Variants in SMARCD3 observed in about 807,000 individuals in gnomAD.
SMARCD3 encodes the protein SWI/SNF related BAF chromatin remodeling complex subunit D3.
A neutral mutation model predicts 58.0 loss-of-function variants in SMARCD3; 14 were observed. The ratio of observed to expected loss-of-function variants is 0.24; its 90% CI spans 0.16 to 0.38. The LOEUF (loss-of-function observed/expected upper bound fraction) is 0.38, where lower values mean the gene tolerates loss of function less well. SMARCD3 is among the 10% of genes least tolerant of loss of function. SMARCD3 has a pLI of 1.00. For missense variants in SMARCD3, 408 were observed against 636.9 expected, an observed-to-expected ratio of 0.64 and a Z score of 3.87; for synonymous variants, 253 against 253.8, an observed-to-expected ratio of 1.00 and a Z score of 0.03.
chr7:151,257,984 C>T (rs763907213), intron 2 of SMARCD3, among the ~76,000 whole-genome samples: 3 of 152,150 alleles, frequency 2.0e-5, no homozygotes, highest in East Asian at 1.9e-4. Context: ...CAAACATGGT[C>T]GGTCCAAAAT....
rs1490784060 is a variant in SMARCD3, at chr7:151,245,488, C to T, written c.262G>A (p.Val88Met). The T allele has an allele frequency of 2.4e-6, 3 of 1,224,694 alleles. No homozygotes were observed. The highest frequency in any genetic ancestry group is 3.1e-5 in the African/African-American group (2 of 64,044). 75.9% of individuals were successfully genotyped at this position (1,224,694 alleles called of 1,614,324 possible). ...QSQAQSQGQPVPTAPARSRSA... is the reference protein window; with the variant it reads ...QSQAQSQGQPMPTAPARSRSA... ...CGGCTCCGCGCGGGGGCGGTGGGCA[C>T]CGGCTGGCCCTGGCTCTGTGCCTGG... Residue 88 changes from valine to methionine, a missense_variant, in exon 2 of 13, where the codon GTG becomes ATG. This residue lies in a region of SMARCD3 where 128 missense variants were observed against 188.8 expected (regional missense o/e 0.68). Transcript: ENST00000262188. This position sits in a 1 kb window ranked among gnomAD's most constrained non-coding sequence, Gnocchi z 6.2.
Position 151,242,733 on chromosome 7 carries a change from C to T in SMARCD3, c.444G>A (p.Lys148=). The T allele has an allele frequency of 2.5e-6, 4 of 1,614,120 alleles. No individual in the cohort carries two copies. The highest frequency in any genetic ancestry group is 3.4e-6 in the Non-Finnish European group (4 of 1,179,998). ...CGAACTAAGGCACCTTCATGGGCCT[C>T]TTCAGAGCCTCCTGGATGTCCACCC... ...RKRVDIQEAL[K]RPMKQKRKLR... The change falls in exon 4 of 13, where the codon AAG becomes AAA. Residue 148 remains lysine, a synonymous_variant. Transcript: ENST00000262188. The surrounding 1 kb of genome is among the most constrained non-coding windows in gnomAD (Gnocchi z 4.7).
At chr7:151,274,795 C>T (rs946502293) in intron 2 of SMARCD3, among the ~76,000 whole-genome samples, 1 of 152,226 alleles carries the variant, frequency 6.6e-6, no homozygotes, top group African/African-American at 2.4e-5. Context: ...CCAGACCATG[C>T]TCACATGAAC....
intron 2 of SMARCD3, among the ~76,000 whole-genome samples, chr7:151,256,522 C>A (rs1391987823): frequency 2.0e-5 from 3 of 152,212 alleles, no homozygotes; most frequent in Admixed American, 6.5e-5. Flanking sequence ...TTCACCAGCT[C>A]CTCCCCTGCA....
intron 2 of SMARCD3, among the ~76,000 whole-genome samples, chr7:151,273,815 G>A (rs1208150630): frequency 6.6e-6 from 1 of 152,064 alleles, no homozygotes. Flanking sequence ...TCTGGGCCAG[G>A]CCAGCTTCCC....
Position 151,239,082 on chromosome 7 carries a change from G to A in SMARCD3, c.*21C>T, listed in dbSNP as rs1246810842. 2.5e-6 allele frequency: 4 copies of A among 1,613,294 alleles called. No homozygotes were observed. The highest frequency in any genetic ancestry group is 1.1e-5 in the South Asian group (1 of 91,070). ...CCGGGACACGGCTGAAAGTTCCGTC[G>A]TGCTGCTTATTTTTGGGCTCCTAGG... On this transcript the variant is annotated 3_prime_UTR_variant, in exon 13 of 13. Coordinates refer to ENST00000262188, the MANE Select transcript of SMARCD3 (RefSeq NM_001003801.2). This position sits in a 1 kb window ranked among gnomAD's most constrained non-coding sequence, Gnocchi z 7.0.
At chr7:151,247,470 C>T (rs1350293424) in intron 1 of SMARCD3, among the ~76,000 whole-genome samples, 1 of 152,112 alleles carries the variant, frequency 6.6e-6, no homozygotes, top group Non-Finnish European at 1.5e-5. Flanking sequence ...GCTGAAGAGG[C>T]CCTGAGAGGG....
upstream of SMARCD3, among the ~76,000 whole-genome samples, chr7:151,276,918 G>C (rs1795364185): frequency 7.8e-6 from 1 of 127,536 alleles, no homozygotes; most frequent in Admixed American, 7.5e-5. Flanking sequence ...GCCAGGCAGG[G>C]GGAGGAGGGG....
At chr7:151,252,374 C>G (rs1245449521), upstream of SMARCD3, among the ~76,000 whole-genome samples, 2 of 152,076 alleles carry the variant, frequency 1.3e-5, no homozygotes, top group African/African-American at 4.8e-5. Context: ...AGCAATAAAG[C>G]TCTCCTTAGG....
intron 2 of SMARCD3, among the ~76,000 whole-genome samples, chr7:151,257,037 G>A (rs1803722770): frequency 2.0e-5 from 3 of 152,182 alleles, no homozygotes; most frequent in Admixed American, 1.3e-4. Context: ...ATTGGAATAA[G>A]CGCTCTTCTT....
In SMARCD3 at chr7:151,242,957, CT is replaced by C; in HGVS notation, c.334-115del. 1.6e-5 allele frequency: 21 copies of C among 1,319,836 alleles called. No individual in the cohort carries two copies. Among genetic ancestry groups the C allele is most frequent in the Non-Finnish European group, 2.1e-5 (20 of 962,752 alleles). 81.8% of individuals were successfully genotyped at this position (1,319,836 alleles called of 1,614,324 possible). A position where few individuals can be genotyped will look rare whatever the true frequency, so the allele number is the denominator to read the frequency against. ...AAAAGATGTCAGGGGAGCCATCCTA[CT>C]TTTGGGCATGTAGCTTTGACAGTGG... On this transcript the variant is annotated intron_variant, in intron 3 of 12. Transcript: ENST00000262188. The surrounding 1 kb of genome is among the most constrained non-coding windows in gnomAD (Gnocchi z 4.7).
At position 151,239,473 on chromosome 7, in the gene SMARCD3, G is replaced by T. The variant is rs758478352; in HGVS notation, c.1321C>A (p.Pro441Thr). 6.2e-7 allele frequency: 1 copy of T among 1,613,804 alleles called. No individual in the cohort carries two copies. The stretch of plus-strand genomic sequence containing the variant: ...AACTCAGCCCGGCGCTCCTCTTCAG[G>T]GTTGCCGGCTACATCTGTCATCACC... ...LKVMTDVAGN[P>T]EEERRAEFYH... The change falls in exon 12 of 13, where the codon CCT becomes ACT. Residue 441 changes from proline (P) to threonine (T), a missense_variant. Pro to Thr is a conservative substitution (Grantham distance 38, BLOSUM62 -1). Around this residue, in one of 4 missense-constraint regions of SMARCD3, gnomAD observed 81 missense variants for 109.7 expected, o/e 0.74. Coordinates refer to ENST00000262188, the MANE Select transcript of SMARCD3 (RefSeq NM_001003801.2). This position sits in a 1 kb window ranked among gnomAD's most constrained non-coding sequence, Gnocchi z 7.0.
At chr7:151,267,291 G>A (rs7799570) in intron 2 of SMARCD3, among the ~76,000 whole-genome samples, 96,710 of 152,128 alleles carry the variant, frequency 0.64, 32,750 homozygotes, top group African/African-American at 0.86. Context: ...GACTATTACT[G>A]TATCCATTTT....
At chr7:151,253,054 G>A (rs78227127), upstream of SMARCD3, among the ~76,000 whole-genome samples, 1,223 of 152,342 alleles carry the variant, frequency 8.0e-3, 12 homozygotes, top group African/African-American at 0.022. Flanking sequence ...TGAAAGGAGA[G>A]GCTTAAGTCA....
intron 2 of SMARCD3, among the ~76,000 whole-genome samples, chr7:151,265,766 G>A (rs1172771549): frequency 1.3e-5 from 2 of 152,220 alleles, no homozygotes; most frequent in Non-Finnish European, 2.9e-5. Flanking sequence ...CTCCTCATCA[G>A]TGGGTATTTA....
intron 2 of SMARCD3, among the ~76,000 whole-genome samples, chr7:151,269,530 G>A (rs149085023): frequency 1.9e-3 from 285 of 152,334 alleles, no homozygotes; most frequent in African/African-American, 6.6e-3. Context: ...GGGAGCTGTG[G>A]GCTGGAAAGA....
At position 151,241,150 on chromosome 7, in the gene SMARCD3, G is replaced by A. The variant is rs1802967547; in HGVS notation, c.939+342C>T. On this transcript the variant is annotated intron_variant, in intron 8 of 12. Coordinates refer to ENST00000262188, the MANE Select transcript of SMARCD3 (RefSeq NM_001003801.2). This position sits in a 1 kb window ranked among gnomAD's most constrained non-coding sequence, Gnocchi z 5.3. ...AGATAAGGAAACAAGGTTCAGAATC[G>A]CTGAGTCACTTACCCAGAGTCCAGA... is the stretch of plus-strand genomic sequence containing the variant. 8.2e-6 allele frequency: 3 copies of A among 365,428 alleles called. No homozygotes were observed. Among genetic ancestry groups the A allele is most frequent in the African/African-American group, 2.1e-5 (1 of 47,932 alleles). The allele number at this position is 365,428 out of a possible 1,614,324, so 22.6% of individuals were successfully genotyped here.
chr7:151,247,803 T>C (rs1025269329), intron 1 of SMARCD3, among the ~76,000 whole-genome samples: 1 of 151,876 alleles, frequency 6.6e-6, no homozygotes, highest in Non-Finnish European at 1.5e-5. Context: ...GTCCCTTCGG[T>C]CTCTAGGCCT....
At chr7:151,260,434 A>C (rs1803880300) in intron 2 of SMARCD3, among the ~76,000 whole-genome samples, 1 of 152,198 alleles carries the variant, frequency 6.6e-6, no homozygotes, top group Non-Finnish European at 1.5e-5. Flanking sequence ...GTCTGAAATA[A>C]ATTTCAAATT....
Sources: allele counts gnomAD v4.1 joint callset (sites outside exome capture counted in the v4.1 genomes callset), GRCh38; gene constraint gnomAD v4.1.1; regional missense constraint gnomAD v4.1.1; non-coding constraint Gnocchi (gnomAD v3.1); transcripts MANE v1.5; gene names NCBI Gene and HGNC (gene_info 2026-07-23, HGNC 2026-07-21).